The following NWD2 variants were observed in gnomAD, a reference collection of about 807,000 sequenced individuals.
The protein encoded by NWD2 is NACHT and WD repeat domain-containing protein 2.
In NWD2, 37 loss-of-function variants were observed where a neutral mutation model predicts 132.7. The ratio of observed to expected loss-of-function variants is 0.28; its 90% CI spans 0.21 to 0.37. The LOEUF (loss-of-function observed/expected upper bound fraction) is 0.37, where lower values mean the gene tolerates loss of function less well. Among genes scored for constraint, NWD2 ranks in the 10% least tolerant of loss-of-function variants. The pLI is 1.00. For missense variants in NWD2, 1,592 were observed against 2,122.4 expected (o/e 0.75, Z 4.91); for synonymous variants, 705 against 803.0 (o/e 0.88, Z 2.06).
intron 2 of NWD2, among the ~76,000 whole-genome samples, chr4:37,345,205 C>G (rs1360363117): frequency 6.6e-6 from 1 of 152,010 alleles, no homozygotes; most frequent in Non-Finnish European, 1.5e-5. Context: ...TTTATGTGGA[C>G]ATATGTTTTC....
chr4:37,334,963 A>G (rs1237055709), intron 2 of NWD2, among the ~76,000 whole-genome samples: 1 of 151,924 alleles, frequency 6.6e-6, no homozygotes, highest in Non-Finnish European at 1.5e-5. Flanking sequence ...GACTGTTGCC[A>G]TGGGTACCCT....
intron 1 of NWD2, among the ~76,000 whole-genome samples, chr4:37,281,267 T>C (rs1577654322): frequency 1.3e-5 from 2 of 152,304 alleles, no homozygotes; most frequent in East Asian, 3.9e-4. Flanking sequence ...GGTGTCCTCG[T>C]GTGACAGTTT....
intron 1 of NWD2, among the ~76,000 whole-genome samples, chr4:37,272,620 C>T (rs527820301): frequency 2.0e-5 from 3 of 151,546 alleles, no homozygotes; most frequent in South Asian, 2.1e-4. Flanking sequence ...AGTGGCATGC[C>T]CTCTATTACT....
At chr4:37,350,791 G>A (rs1719743619) in intron 2 of NWD2, among the ~76,000 whole-genome samples, 1 of 152,122 alleles carries the variant, frequency 6.6e-6, no homozygotes, top group Admixed American at 6.5e-5. Context: ...TCCAGTTTTT[G>A]CCCATTGAGT....
intron 3 of NWD2, among the ~76,000 whole-genome samples, chr4:37,414,594 T>C (rs748685812): frequency 2.0e-5 from 3 of 152,214 alleles, no homozygotes; most frequent in Non-Finnish European, 2.9e-5. Context: ...TTATTTAATG[T>C]ACACTTCTAT....
intron 1 of NWD2, among the ~76,000 whole-genome samples, chr4:37,260,725 A>G (rs1474778746): frequency 6.6e-6 from 1 of 152,190 alleles, no homozygotes; most frequent in Non-Finnish European, 1.5e-5. Context: ...ATAGGCATAA[A>G]AGACATCTTC....
chr4:37,310,547 A>T (rs958827288), intron 1 of NWD2, among the ~76,000 whole-genome samples: 7 of 150,106 alleles, frequency 4.7e-5, no homozygotes, highest in Admixed American at 2.0e-4. Flanking sequence ...AAAATATTGA[A>T]TAGAAGTTTT....
Position 37,391,465 on chromosome 4 carries a change from G to C in NWD2, c.357+34983G>C, listed in dbSNP as rs1720678217. Among the ~76,000 whole-genome samples the C allele has an allele frequency of 2.0e-5, 3 of 152,190 alleles. No homozygotes were observed. The South Asian group carries it at 6.2e-4, about 32-fold the overall frequency. ...CCAAAAGATGCTTTTTGAGTGAGGA[G>C]AAAGGGAGGGATTTAGAGATAAGTA... On this transcript the variant is annotated intron_variant, in intron 3 of 6. Coordinates refer to ENST00000309447, the MANE Select transcript of NWD2 (RefSeq NM_001144990.2).
chr4:37,403,729 G>T (rs908957114), intron 3 of NWD2, among the ~76,000 whole-genome samples: 1 of 152,130 alleles, frequency 6.6e-6, no homozygotes, highest in Non-Finnish European at 1.5e-5. Context: ...CAAACATGGG[G>T]TTCACATTTG....
intron 3 of NWD2, among the ~76,000 whole-genome samples, chr4:37,390,228 A>AC (rs1157822897): frequency 7.1e-6 from 1 of 141,326 alleles, no homozygotes; most frequent in African/African-American, 2.6e-5. Flanking sequence ...AAGTATATGT[A>AC]CATATACTTT....
chr4:37,318,020 C>CTTTTT (rs71185128), intron 1 of NWD2, among the ~76,000 whole-genome samples: 47 of 113,324 alleles, frequency 4.1e-4, no homozygotes, highest in Non-Finnish European at 5.2e-4. Context: ...TTTTTTCTTT[C>CTTTTT]TTTTTTTTTT....
chr4:37,434,919 A>G (rs1023851991), intron 5 of NWD2, among the ~76,000 whole-genome samples: 6 of 151,964 alleles, frequency 3.9e-5, no homozygotes, highest in East Asian at 1.9e-4. Context: ...GGGATTTGGT[A>G]GGATCTAATT....
Position 37,368,816 on chromosome 4 carries a change from A to G in NWD2, c.357+12334A>G, listed in dbSNP as rs545067830. Among the ~76,000 whole-genome samples the G allele has an allele frequency of 7.9e-5, 12 of 152,304 alleles. No individual in the cohort carries two copies. In the South Asian group the frequency reaches 2.5e-3, roughly 32 times the overall value. ...AATTTGAGGCCAGACCTTCTAAGTT[A>G]AATTTCCGCTTAAGCTTGTTAGCAG... On this transcript the variant is annotated intron_variant, in intron 3 of 6. Coordinates refer to ENST00000309447, the MANE Select transcript of NWD2 (RefSeq NM_001144990.2).
At chr4:37,333,811 G>C (rs1283749744) in intron 2 of NWD2, among the ~76,000 whole-genome samples, 1 of 152,056 alleles carries the variant, frequency 6.6e-6, no homozygotes, top group African/African-American at 2.4e-5. Flanking sequence ...GAAACTCAAA[G>C]AAGTTCAAGA....
intron 3 of NWD2, among the ~76,000 whole-genome samples, chr4:37,392,044 T>C (rs2054497): frequency 0.35 from 53,091 of 151,670 alleles, 9,663 homozygotes; most frequent in African/African-American, 0.45. Flanking sequence ...CTACTAAAAA[T>C]ACAAAAAAAT....
At chr4:37,407,521 C>T (rs1230745264) in intron 3 of NWD2, among the ~76,000 whole-genome samples, 1 of 152,022 alleles carries the variant, frequency 6.6e-6, no homozygotes, top group Non-Finnish European at 1.5e-5. Context: ...AACCACTGGT[C>T]GATAGGATAA....
chr4:37,274,424 T>G (rs1303041866), intron 1 of NWD2, among the ~76,000 whole-genome samples: 1 of 152,062 alleles, frequency 6.6e-6, no homozygotes, highest in Non-Finnish European at 1.5e-5. Flanking sequence ...GGCTCTGAAA[T>G]TGAGGCAATA....
At chr4:37,430,187 T>A (rs1325863358) in intron 3 of NWD2, among the ~76,000 whole-genome samples, 1 of 152,212 alleles carries the variant, frequency 6.6e-6, no homozygotes, top group Non-Finnish European at 1.5e-5. Flanking sequence ...GACAGAGCAG[T>A]TCTTTGGTTT....
rs780797951 is a variant in NWD2, at chr4:37,356,352, C to T, written c.241-14C>T. On this transcript the variant is annotated splice_polypyrimidine_tract_variant and intron_variant, in intron 2 of 6. Transcript: ENST00000309447. Reference sequence around the variant, plus strand: ...CCACATGTAAACTAATGCTCTTCATCCATCTGTCCCCAGGTCATAGATCTG... The same window carrying T: ...CCACATGTAAACTAATGCTCTTCATTCATCTGTCCCCAGGTCATAGATCTG... 11 of 1,389,788 alleles carry T rather than the reference C, an allele frequency of 7.9e-6. No homozygotes were observed. Among genetic ancestry groups the T allele is most frequent in the African/African-American group, 1.4e-5 (1 of 69,420 alleles). 86.1% of individuals were successfully genotyped at this position (1,389,788 alleles called of 1,614,324 possible).
Sources: gnomAD v4.1 joint callset for allele counts (sites outside exome capture counted in the v4.1 genomes callset) on GRCh38, gnomAD v4.1.1 for gene constraint, MANE v1.5 for transcripts, NCBI Gene and HGNC (gene_info 2026-07-23, HGNC 2026-07-21) for gene names.